Variants in DNAH3 observed in about 807,000 individuals in gnomAD.
DNAH3 encodes axonemal beta dynein heavy chain 3.
A neutral mutation model predicts 432.5 loss-of-function variants in DNAH3; 332 were observed. The observed-to-expected ratio is 0.77, with a 90% CI of 0.70 to 0.84. The LOEUF is 0.84. Ranked by LOEUF, DNAH3 falls within the 40% of genes least tolerant of loss-of-function variation. The probability of loss-of-function intolerance (pLI) is 0.00; values close to 1 mark genes in which losing one functional copy is unlikely to be tolerated. For missense variants in DNAH3, 4,861 were observed against 5,114.0 expected (o/e 0.95, Z 1.51); for synonymous variants, 1,956 against 1,900.2 (o/e 1.03, Z -0.76).
chr16:20,966,014 ATTTTTTTTTTTT>A (rs555983378), intron 52 of DNAH3, among the ~76,000 whole-genome samples: 11 of 48,392 alleles, frequency 2.3e-4, no homozygotes, highest in East Asian at 1.4e-3. Flanking sequence ...TGCCCAGCCA[ATTTTTTTTTTTT>A]TTTTTTTTTT....
intron 5 of DNAH3, among the ~76,000 whole-genome samples, chr16:21,138,821 A>C (rs2092679588): frequency 6.6e-6 from 1 of 151,576 alleles, no homozygotes; most frequent in South Asian, 2.1e-4. Flanking sequence ...TAAAAAAAAA[A>C]AACAACACAG....
chr16:20,983,868 A>C (rs541871689), intron 48 of DNAH3, among the ~76,000 whole-genome samples: 1 of 152,094 alleles, frequency 6.6e-6, no homozygotes, highest in Admixed American at 6.6e-5. Flanking sequence ...CTCTACAAAA[A>C]TGGAAAAAAT....
intron 42 of DNAH3, among the ~76,000 whole-genome samples, 172 bp from the exon 43 acceptor site, chr16:21,000,690 T>C (rs1250081456): frequency 6.6e-6 from 1 of 152,156 alleles, no homozygotes; most frequent in African/African-American, 2.4e-5. Flanking sequence ...GAAAAGGGGA[T>C]AATAATGGCA....
At chr16:20,984,827 T>C (rs1009519010) in intron 48 of DNAH3, among the ~76,000 whole-genome samples, 16 of 151,974 alleles carry the variant, frequency 1.1e-4, no homozygotes, top group Non-Finnish European at 1.3e-4. Flanking sequence ...ATCTCACCAC[T>C]GCACTCCAGC....
chr16:21,110,640 C>T (rs1393796160), intron 14 of DNAH3, among the ~76,000 whole-genome samples: 1 of 152,172 alleles, frequency 6.6e-6, no homozygotes, highest in Non-Finnish European at 1.5e-5. Context: ...GAGCTTCTAT[C>T]CATTATAACC....
chr16:20,947,655 T>G (rs2084110154), intron 57 of DNAH3, among the ~76,000 whole-genome samples: 1 of 152,172 alleles, frequency 6.6e-6, no homozygotes, highest in Admixed American at 6.6e-5. Context: ...CTCCACACAT[T>G]TGGTCACAGA....
chr16:20,946,691 T>C (rs1041664562), intron 57 of DNAH3, among the ~76,000 whole-genome samples: 9 of 152,110 alleles, frequency 5.9e-5, no homozygotes, highest in Admixed American at 1.3e-4. Flanking sequence ...TCACCTGTTA[T>C]AATGTTGGGT....
intron 18 of DNAH3, among the ~76,000 whole-genome samples, chr16:21,095,989 T>G (rs2091666065): frequency 6.6e-6 from 1 of 152,184 alleles, no homozygotes; most frequent in Admixed American, 6.6e-5. Context: ...AGGCTGGTCT[T>G]AAACTCCTGA....
intron 1 of DNAH3, among the ~76,000 whole-genome samples, chr16:21,154,327 C>CA: frequency 6.6e-6 from 1 of 151,970 alleles, no homozygotes; most frequent in Admixed American, 6.6e-5. Context: ...ATTGCATGAA[C>CA]ACAGGAGGTG....
At chr16:21,104,271 T>C (rs1597383718) in intron 16 of DNAH3, 200 bp downstream of exon 16, 1 of 555,480 alleles carries the variant, frequency 1.8e-6, no homozygotes, top group South Asian at 2.1e-5. Flanking sequence ...TAGCAGAGGT[T>C]ATTACAGTGA....
At chr16:21,071,961 C>T (rs1003118845) in intron 21 of DNAH3, among the ~76,000 whole-genome samples, 5 of 152,050 alleles carry the variant, frequency 3.3e-5, no homozygotes, top group African/African-American at 4.8e-5. Context: ...TGATGTGCCC[C>T]GGGGCACCGC....
At chr16:20,965,081 G>T (rs143399673) in exon 53 of DNAH3, 2 of 1,613,952 alleles carry the variant, frequency 1.2e-6, no homozygotes, top group Non-Finnish European at 1.7e-6. Context: ...GCCTGGAGCC[G>T]ATCTACCACC....
At chr16:21,052,997 A>G (rs952062715) in intron 28 of DNAH3, among the ~76,000 whole-genome samples, 1 of 152,158 alleles carries the variant, frequency 6.6e-6, no homozygotes, top group Non-Finnish European at 1.5e-5. Flanking sequence ...AATTTTATCC[A>G]AGTGACAGGG....
chr16:21,145,996 A>C (rs1465829939), exon 2 of DNAH3: 2 of 1,611,884 alleles, frequency 1.2e-6, no homozygotes, highest in South Asian at 2.2e-5. Flanking sequence ...GATAGAGTCC[A>C]GACGGTTCCT....
chr16:21,098,927 C>T (rs2091765757), intron 16 of DNAH3, among the ~76,000 whole-genome samples, 158 bp from the exon 17 acceptor site: 1 of 152,164 alleles, frequency 6.6e-6, no homozygotes, highest in Non-Finnish European at 1.5e-5. Context: ...CTCTCTCTCT[C>T]TCAAGATAAA....
Position 20,952,443 on chromosome 16 carries a change from G to C in DNAH3, c.11178C>G (p.Thr3726=), listed in dbSNP as rs7199676. The C allele has an allele frequency of 4.5e-3, 7,260 of 1,604,990 alleles. 301 individuals carry two copies. The African/African-American group carries it at 0.084, about 19-fold the overall frequency. Reference sequence around the variant, plus strand: ...TCCTCCCGTAAATACCTGTCAGGTAGGTCAGAGCATCAAAGGGCACCTCCT... The same window carrying C: ...TCCTCCCGTAAATACCTGTCAGGTACGTCAGAGCATCAAAGGGCACCTCCT... Residue 3726 remains threonine, a synonymous_variant, in exon 56 of 62, where the codon ACC becomes ACG. Coordinates refer to ENST00000261383, the Ensembl canonical transcript of DNAH3.
rs1227921056 is a variant in DNAH3 at position 21,066,284 on chromosome 16, G to A, written c.3518+999C>T. 5.9e-5 allele frequency among the ~76,000 whole-genome samples: 9 copies of A among 151,998 alleles called. No individual in the cohort carries two copies. The East Asian group carries it at 1.7e-3, about 29-fold the overall frequency. On this transcript the variant is annotated intron_variant, in intron 24 of 61. Transcript: ENST00000261383. ...CATCCTAAGTGGGGTCAAATGACAT[G>A]GAGTGACCATCAATGGTGAACTAGT...
chr16:20,961,537 A>G (rs963508044), intron 53 of DNAH3, among the ~76,000 whole-genome samples: 2 of 151,616 alleles, frequency 1.3e-5, no homozygotes, highest in African/African-American at 4.8e-5. Flanking sequence ...AAATAAAATA[A>G]AATAAAATAA....
At chr16:20,994,020 TTTC>T (rs769048148) in intron 44 of DNAH3, among the ~76,000 whole-genome samples, 3 of 152,210 alleles carry the variant, frequency 2.0e-5, no homozygotes, top group Admixed American at 6.5e-5. Flanking sequence ...ATTTCTTCTA[TTTC>T]TTTATTTTGA....
Sources: allele counts gnomAD v4.1 joint callset (sites outside exome capture counted in the v4.1 genomes callset), GRCh38; gene constraint gnomAD v4.1.1; transcripts MANE v1.5; gene names NCBI Gene and HGNC (gene_info 2026-07-23, HGNC 2026-07-21).